Variants in BICD1 observed in about 807,000 individuals in gnomAD.
BICD1 encodes protein bicaudal D homolog 1.
In BICD1, 35 loss-of-function variants were observed where a neutral mutation model predicts 92.5. That is an observed-to-expected ratio of 0.38 (90% CI 0.29 to 0.50). The LOEUF (loss-of-function observed/expected upper bound fraction) is 0.50. Ranked by LOEUF, BICD1 falls within the 20% of genes least tolerant of loss-of-function variation. BICD1 has a pLI of 0.93. For synonymous variants in BICD1, 429 were observed against 465.1 expected, an observed-to-expected ratio of 0.92 and a Z score of 1.00; for missense variants, 950 against 1,189.8, an observed-to-expected ratio of 0.80 and a Z score of 2.97.
intron 1 of BICD1, among the ~76,000 whole-genome samples, chr12:32,118,077 A>ATTTTATTTTATTTTATTTTG (rs1565526901): frequency 1.4e-5 from 2 of 143,344 alleles, no homozygotes; most frequent in Admixed American, 1.4e-4. Flanking sequence ...ATTTTATTTT[A>ATTTTATTTTATTTTATTTTG]TTTTATTTTA....
intron 8 of BICD1, among the ~76,000 whole-genome samples, chr12:32,363,783 C>A (rs1280620980): frequency 6.6e-6 from 1 of 152,200 alleles, no homozygotes; most frequent in Non-Finnish European, 1.5e-5. Flanking sequence ...AGTGATACTT[C>A]TGCAAGTTCA....
Position 32,338,876 on chromosome 12 carries a change from C to T in BICD1, c.2661C>T (p.Pro887=). The T allele has an allele frequency of 6.2e-7, 1 of 1,608,978 alleles. No homozygotes were observed. Among genetic ancestry groups the T allele is most frequent in the South Asian group, 1.1e-5 (1 of 89,938 alleles). The part of the protein sequence containing the change: ...LQNLLRVPPD[P]TSTESFLLKG... Reference sequence around the variant, plus strand: ...ATTTATTAAGAGTTCCCCCTGATCCCACCTCCACAGAATCATTTCTTCTGA... The same window carrying T: ...ATTTATTAAGAGTTCCCCCTGATCCTACCTCCACAGAATCATTTCTTCTGA... The change falls in exon 8 of 10, where the codon CCC becomes CCT. Residue 887 remains proline, a synonymous_variant. Transcript: ENST00000652176.
chr12:32,163,969 T>A (rs1050164698), intron 1 of BICD1, among the ~76,000 whole-genome samples: 10 of 151,260 alleles, frequency 6.6e-5, no homozygotes, highest in South Asian at 2.1e-4. Context: ...AATTTCAAAA[T>A]TTTTTTTTTA....
intron 5 of BICD1, chr12:32,332,985 A>G (rs1937945397): frequency 4.1e-6 from 4 of 985,328 alleles, no homozygotes; most frequent in African/African-American, 1.7e-5. Context: ...TGCACAGTCA[A>G]TGGACAAACA....
intron 1 of BICD1, among the ~76,000 whole-genome samples, chr12:32,116,510 C>CTCTATATATA (rs1233964108): frequency 1.8e-4 from 19 of 104,396 alleles, no homozygotes; most frequent in East Asian, 6.5e-4. Context: ...CTCTCTCTCT[C>CTCTATATATA]TATATATATA....
At chr12:32,117,735 C>CACACACATAT (rs1268394426) in intron 1 of BICD1, among the ~76,000 whole-genome samples, 4 of 134,518 alleles carry the variant, frequency 3.0e-5, no homozygotes, top group African/African-American at 1.1e-4. Flanking sequence ...CACACACACA[C>CACACACATAT]ATATATATAT....
At chr12:32,363,536 A>G (rs1338741974) in intron 8 of BICD1, among the ~76,000 whole-genome samples, 2 of 152,240 alleles carry the variant, frequency 1.3e-5, no homozygotes, top group Admixed American at 6.5e-5. Context: ...TACTGTTACT[A>G]AAGACCATAA....
In BICD1 at chr12:32,197,460, C is replaced by T. The variant is rs74541479; in HGVS notation, c.214-18787C>T. ...CATATTGTTTGAAGAAAATAATCTG[C>T]TTATAATTATCAGTTTATTATAATC... On this transcript the variant is annotated intron_variant, in intron 1 of 9. Coordinates refer to ENST00000652176, the MANE Select transcript of BICD1 (RefSeq NM_001714.4). Among the ~76,000 whole-genome samples, 777 of 152,230 alleles carry T rather than the reference C, an allele frequency of 5.1e-3. 5 individuals carry two copies. Among genetic ancestry groups the T allele is most frequent in the African/African-American group, 0.018 (743 of 41,522 alleles).
At chr12:32,178,838 G>A (rs543542821) in intron 1 of BICD1, among the ~76,000 whole-genome samples, 93 of 152,074 alleles carry the variant, frequency 6.1e-4, no homozygotes, top group South Asian at 2.1e-3. Context: ...GACATTGGGA[G>A]TTACTCTGCA....
rs777895773 is a variant in BICD1, at chr12:32,327,661, G to T, written c.1206G>T (p.Glu402Asp). 1 of 1,614,096 alleles carries T rather than the reference G, an allele frequency of 6.2e-7. No individual in the cohort carries two copies. The highest frequency in any genetic ancestry group is 8.5e-7 in the Non-Finnish European group (1 of 1,180,006). ...AGAAGGGCCGGGACTCAGGGGAGGA[G>T]GCCCATGACTATGAGGTGGACATCA... Reference protein sequence around the residue: ...DGEKGRDSGEEAHDYEVDING... With the variant: ...DGEKGRDSGEDAHDYEVDING... The change falls in exon 5 of 10, where the codon GAG becomes GAT. Residue 402 changes from glutamate (E) to aspartate (D), a missense_variant. Transcript: ENST00000652176.
rs150343470 is a variant in BICD1, at chr12:32,245,390, A to G, written c.426+28931A>G. Among the ~76,000 whole-genome samples, 14 of 152,212 alleles carry G rather than the reference A, an allele frequency of 9.2e-5. No homozygotes were observed. The East Asian group carries it at 2.5e-3, about 27-fold the overall frequency. On this transcript the variant is annotated intron_variant, in intron 2 of 9. Transcript: ENST00000652176. The stretch of plus-strand genomic sequence containing the variant: ...TAGTTTAAGCTCAATTCAAGTGACT[A>G]TTTGAGGCCTGGTCAGGATATCTGC...
intron 2 of BICD1, among the ~76,000 whole-genome samples, chr12:32,247,955 C>T (rs547846828): frequency 6.6e-6 from 1 of 151,312 alleles, no homozygotes; most frequent in African/African-American, 2.4e-5. Context: ...TGGTGGTGCG[C>T]ACCTGTAATC....
At chr12:32,155,044 T>C (rs1422423292) in intron 1 of BICD1, among the ~76,000 whole-genome samples, 3 of 147,278 alleles carry the variant, frequency 2.0e-5, no homozygotes, top group African/African-American at 5.0e-5. Context: ...CTTTTTTTTT[T>C]CAGTAAGTTG....
chr12:32,259,263 T>A (rs942551791), intron 2 of BICD1, among the ~76,000 whole-genome samples: 2 of 152,146 alleles, frequency 1.3e-5, no homozygotes, highest in South Asian at 4.1e-4. Flanking sequence ...ATTTGTATTA[T>A]AACTATTCTA....
chr12:32,268,551 T>A (rs762157866), intron 2 of BICD1, among the ~76,000 whole-genome samples: 5 of 152,208 alleles, frequency 3.3e-5, no homozygotes, highest in Non-Finnish European at 5.9e-5. Flanking sequence ...ATCTTAGCGC[T>A]TTGGGAGGCC....
chr12:32,289,471 T>C (rs56721887), intron 2 of BICD1, among the ~76,000 whole-genome samples: 4,252 of 152,358 alleles, frequency 0.028, 166 homozygotes, highest in African/African-American at 0.088. Context: ...CTGCAACTTC[T>C]GCTTCCCAGG....
chr12:32,311,073 G>A (rs1351934557), intron 4 of BICD1, among the ~76,000 whole-genome samples: 1 of 152,206 alleles, frequency 6.6e-6, no homozygotes, highest in Non-Finnish European at 1.5e-5. Context: ...TTTATTCTGA[G>A]CCAAGTATGA....
intron 8 of BICD1, among the ~76,000 whole-genome samples, chr12:32,363,887 T>C (rs1406457566): frequency 6.6e-6 from 1 of 152,170 alleles, no homozygotes; most frequent in Non-Finnish European, 1.5e-5. Flanking sequence ...TCCCCTTTCC[T>C]TATAGATGAA....
Position 32,238,444 on chromosome 12 carries a change from CTG to C in BICD1, c.426+21988_426+21989del, listed in dbSNP as rs566326511. Among the ~76,000 whole-genome samples the C allele has an allele frequency of 1.4e-3, 210 of 152,278 alleles. 1 individual carries two copies. Among genetic ancestry groups the C allele is most frequent in the African/African-American group, 4.8e-3 (200 of 41,560 alleles). ...AGGGAATCTATTCCTGGAGAAGACA[CTG>C]TGAAAGTTGTCGAAATGACACCATA... On this transcript the variant is annotated intron_variant, in intron 2 of 9. Coordinates refer to ENST00000652176, the MANE Select transcript of BICD1 (RefSeq NM_001714.4).
Sources: allele counts gnomAD v4.1 joint callset (sites outside exome capture counted in the v4.1 genomes callset), GRCh38; gene constraint gnomAD v4.1.1; transcripts MANE v1.5; gene names NCBI Gene and HGNC (gene_info 2026-07-23, HGNC 2026-07-21).